ABCB4: variants seen among roughly 807,000 people sequenced by gnomAD.
ABCB4 encodes the protein ATP binding cassette subfamily B member 4.
A neutral mutation model predicts 145.7 loss-of-function variants in ABCB4; 76 were observed. The observed-to-expected ratio is 0.52, with a 90% confidence interval of 0.43 to 0.63. The LOEUF is 0.63. ABCB4 is among the 30% of genes least tolerant of loss of function. ABCB4 has a pLI of 0.00. For missense variants in ABCB4, 1,234 were observed against 1,553.1 expected (o/e 0.79, Z 3.45); for synonymous variants, 517 against 566.8 (o/e 0.91, Z 1.25).
At chr7:87,378,636 T>C in the ABCB4 span, among the ~76,000 whole-genome samples, 1 of 152,180 alleles carries the variant, frequency 6.6e-6, no homozygotes, top group African/African-American at 2.4e-5. Context: ...CCAAAGGAAA[T>C]AGTCAGCTTC....
At chr7:87,375,835 A>C in the ABCB4 span, 1 of 1,613,502 alleles carries the variant, frequency 6.2e-7, no homozygotes, top group African/African-American at 1.3e-5. Flanking sequence ...TAGGCACGAG[A>C]ATATCTGATT....
chr7:87,449,816 A>AT (rs1293460017), intron 8 of ABCB4, 152 bp downstream of exon 8: 1 of 1,153,050 alleles, frequency 8.7e-7, no homozygotes. Context: ...AGAGTCTGAC[A>AT]TTCAACTATA....
At chr7:87,366,660 T>C in the ABCB4 span, among the ~76,000 whole-genome samples, 1 of 152,144 alleles carries the variant, frequency 6.6e-6, no homozygotes. Flanking sequence ...CATTCCTACT[T>C]CCCCGTCTTC....
chr7:87,447,002 T>C, intron 9 of ABCB4, 32 bp downstream of exon 9: 1 of 1,561,820 alleles, frequency 6.4e-7, no homozygotes, highest in South Asian at 1.1e-5. Flanking sequence ...AAGATTTTCA[T>C]ATTCTTCATA....
intron 9 of ABCB4, among the ~76,000 whole-genome samples, chr7:87,445,381 C>T (rs1811276267): frequency 6.6e-6 from 1 of 152,040 alleles, no homozygotes; most frequent in South Asian, 2.1e-4. Context: ...TAAAAAGCAC[C>T]ATGTCACATA....
chr7:87,411,855 T>G (rs769251359), intron 23 of ABCB4, 38 bp downstream of exon 23: 1 of 1,597,886 alleles, frequency 6.3e-7, no homozygotes, highest in Non-Finnish European at 8.6e-7. Context: ...ACTAAAACCT[T>G]ATTATAGAAT....
chr7:87,449,895 A>G (rs1811594011), intron 8 of ABCB4, 73 bp downstream of exon 8: 1 of 1,611,804 alleles, frequency 6.2e-7, no homozygotes, highest in Admixed American at 1.7e-5. Context: ...GGTAAAAAAC[A>G]CATACCACAA....
chr7:87,375,724 A>T, the ABCB4 span: 1 of 1,613,398 alleles, frequency 6.2e-7, no homozygotes, highest in Non-Finnish European at 8.5e-7. Flanking sequence ...CGATGGGCTA[A>T]GGTTCTGATT....
At chr7:87,468,876 A>C (rs1210342658) in intron 3 of ABCB4, among the ~76,000 whole-genome samples, 1 of 150,768 alleles carries the variant, frequency 6.6e-6, no homozygotes, top group Non-Finnish European at 1.5e-5. Flanking sequence ...GCTTGCAGTG[A>C]GCCCAGATAG....
At chr7:87,385,859 C>A in the ABCB4 span, among the ~76,000 whole-genome samples, 1 of 152,108 alleles carries the variant, frequency 6.6e-6, no homozygotes, top group African/African-American at 2.4e-5. Flanking sequence ...TTCTTCTTTA[C>A]TGAGTTTGTT....
At chr7:87,405,831 A>G (rs1302779393) in intron 26 of ABCB4, 1 of 218,578 alleles carries the variant, frequency 4.6e-6, no homozygotes, top group Non-Finnish European at 9.2e-6. Flanking sequence ...TCTGAATAAG[A>G]TGAGTGGAGT....
chr7:87,399,500 C>T (rs1296240467), downstream of ABCB4: 1 of 152,130 alleles, frequency 6.6e-6, no homozygotes, highest in Non-Finnish European at 1.5e-5. Context: ...AGAAAAATAA[C>T]TCTTTTGAAC....
intron 14 of ABCB4, among the ~76,000 whole-genome samples, chr7:87,439,182 A>G (rs45580137): frequency 0.017 from 2,602 of 152,236 alleles, 77 homozygotes; most frequent in African/African-American, 0.06. Flanking sequence ...CACCCTTAAA[A>G]TGAATTGTTT....
At chr7:87,376,661 A>G in the ABCB4 span, among the ~76,000 whole-genome samples, 3 of 151,216 alleles carry the variant, frequency 2.0e-5, no homozygotes, top group African/African-American at 7.3e-5. Context: ...GAATCACCAG[A>G]CTTCTTTTTA....
the ABCB4 span, chr7:87,393,163 G>A: frequency 7.7e-7 from 1 of 1,305,240 alleles, no homozygotes; most frequent in Non-Finnish European, 1.1e-6. Flanking sequence ...TTCTTATATT[G>A]CCATCTGTCA....
the ABCB4 span, chr7:87,391,580 T>C: frequency 1.3e-6 from 2 of 1,585,048 alleles, no homozygotes; most frequent in South Asian, 1.2e-5. Context: ...TTTTAATTTT[T>C]TCTTGTAGCC....
intron 4 of ABCB4, among the ~76,000 whole-genome samples, chr7:87,462,486 A>C (rs1812527405): frequency 6.6e-6 from 1 of 152,190 alleles, no homozygotes; most frequent in Non-Finnish European, 1.5e-5. Flanking sequence ...CACTGTTCTC[A>C]AGTAGAGTGA....
chr7:87,386,846 C>T, the ABCB4 span, among the ~76,000 whole-genome samples: 1 of 152,208 alleles, frequency 6.6e-6, no homozygotes, highest in African/African-American at 2.4e-5. Context: ...CCATCTCTAC[C>T]CATTGTCTCT....
intron 6 of ABCB4, chr7:87,452,235 C>T (rs1320748976): frequency 1.2e-5 from 3 of 249,966 alleles, no homozygotes; most frequent in South Asian, 5.1e-5. Context: ...AACACAGCAG[C>T]CAGTGGGATG....
Sources: allele counts gnomAD v4.1 joint callset (sites outside exome capture counted in the v4.1 genomes callset), GRCh38; gene constraint gnomAD v4.1.1; transcripts MANE v1.5; gene names NCBI Gene and HGNC (gene_info 2026-07-23, HGNC 2026-07-21).